The following SGMS2 variants were observed in gnomAD, a reference collection of about 807,000 sequenced individuals.
SGMS2 encodes phosphatidylcholine:ceramide cholinephosphotransferase 2.
Under a neutral mutation model 43.8 loss-of-function variants are expected in SGMS2, and 21 were observed. The ratio of observed to expected loss-of-function variants is 0.48; its 90% confidence interval spans 0.34 to 0.69. The LOEUF is 0.69. Ranked by LOEUF, SGMS2 falls within the 30% of genes least tolerant of loss-of-function variation. The pLI is 0.01. For synonymous variants in SGMS2, 167 were observed against 160.6 expected (o/e 1.04, Z -0.30); for missense variants, 384 against 443.2 (o/e 0.87, Z 1.20).
Position 107,895,799 on chromosome 4 carries a change from C to T in SGMS2, c.246C>T (p.Ala82=). ...TAGAGTGGTGGAAAACGGGCATTGCCTTCATATATGCAGTTTTCAACCTCG... is the reference window on the plus strand; with the variant it reads ...TAGAGTGGTGGAAAACGGGCATTGCTTTCATATATGCAGTTTTCAACCTCG... ...FPLEWWKTGI[A]FIYAVFNLVL... The change falls in exon 3 of 7, where the codon GCC becomes GCT. Residue 82 remains alanine (A), a synonymous_variant. Transcript: ENST00000690982. The T allele has an allele frequency of 1.9e-6, 3 of 1,613,964 alleles. No individual in the cohort carries two copies. The highest frequency in any genetic ancestry group is 2.5e-6 in the Non-Finnish European group (3 of 1,179,938).
chr4:107,895,288 C>T (rs1730575729), intron 2 of SGMS2, 22 bp from the exon 3 acceptor site: 1 of 409,852 alleles, frequency 2.4e-6, no homozygotes, highest in Non-Finnish European at 4.3e-6. Flanking sequence ...AGTTTCTGAA[C>T]ATAATTTTGT....
intron 2 of SGMS2, among the ~76,000 whole-genome samples, chr4:107,876,492 TA>T (rs1165252217): frequency 6.6e-6 from 1 of 152,212 alleles, no homozygotes; most frequent in Non-Finnish European, 1.5e-5. Context: ...TCCATTGCAC[TA>T]GTAAACAGCA....
chr4:107,888,076 G>A (rs543974107), intron 2 of SGMS2, among the ~76,000 whole-genome samples: 17 of 152,092 alleles, frequency 1.1e-4, no homozygotes, highest in South Asian at 2.1e-4. Context: ...AGTCTCATAC[G>A]CCCACCTCTT....
intron 1 of SGMS2, among the ~76,000 whole-genome samples, chr4:107,857,277 G>T (rs1214920192): frequency 6.6e-6 from 1 of 151,976 alleles, no homozygotes; most frequent in African/African-American, 2.4e-5. Flanking sequence ...GGACATTTGG[G>T]TTTTTTCCAC....
chr4:107,844,910 A>G (rs1726728140), intron 1 of SGMS2, among the ~76,000 whole-genome samples: 1 of 152,144 alleles, frequency 6.6e-6, no homozygotes, highest in Admixed American at 6.5e-5. Flanking sequence ...TTAGTTCCTA[A>G]TGGAGACTGG....
rs757267233 is a variant in SGMS2 at position 107,910,851 on chromosome 4, T to C, written c.*298T>C. On this transcript the variant is annotated 3_prime_UTR_variant, in exon 7 of 7. Coordinates refer to ENST00000690982, the MANE Select transcript of SGMS2 (RefSeq NM_001375905.1). ...AACATATTCCTCCTTTCTTTATTCT[T>C]TCTCCACCAAAACCCTCTACTTCAG... 1.9e-5 allele frequency: 5 copies of C among 262,318 alleles called. No homozygotes were observed. The highest frequency in any genetic ancestry group is 3.6e-5 in the Non-Finnish European group (5 of 138,048). The allele number at this position is 262,318 out of a possible 1,614,324, so 16.2% of individuals were successfully genotyped here. A position where few individuals can be genotyped will look rare whatever the true frequency, so the allele number is the denominator to read the frequency against.
At chr4:107,902,383 T>A (rs1731198650) in intron 4 of SGMS2, among the ~76,000 whole-genome samples, 1 of 152,124 alleles carries the variant, frequency 6.6e-6, no homozygotes, top group Admixed American at 6.5e-5. Context: ...CTCAATTTGC[T>A]TTATACTTAT....
At chr4:107,891,143 CCACCTT>C (rs1730185622) in intron 2 of SGMS2, among the ~76,000 whole-genome samples, 1 of 151,090 alleles carries the variant, frequency 6.6e-6, no homozygotes, top group Non-Finnish European at 1.5e-5. Context: ...CCCCATTATA[CCACCTT>C]ACCATACTAC....
At chr4:107,865,752 G>C (rs986161032) in intron 2 of SGMS2, among the ~76,000 whole-genome samples, 2 of 152,116 alleles carry the variant, frequency 1.3e-5, no homozygotes, top group African/African-American at 4.8e-5. Flanking sequence ...TGAATCAGGA[G>C]CTCTTCATTA....
chr4:107,829,674 G>C (rs150947755), intron 1 of SGMS2, among the ~76,000 whole-genome samples: 246 of 152,206 alleles, frequency 1.6e-3, no homozygotes, highest in African/African-American at 5.7e-3. Flanking sequence ...GCAACTAACT[G>C]AATTATTTCT....
At chr4:107,851,647 C>A (rs1285552142) in intron 1 of SGMS2, among the ~76,000 whole-genome samples, 1 of 152,184 alleles carries the variant, frequency 6.6e-6, no homozygotes, top group Non-Finnish European at 1.5e-5. Context: ...TGCATCCCAG[C>A]AAATATCCTC....
chr4:107,893,567 CTGTCAAAGCCTGGGA>C (rs1432164072), intron 2 of SGMS2: 7 of 152,284 alleles, frequency 4.6e-5, no homozygotes, highest in African/African-American at 1.4e-4. Flanking sequence ...AAGCCTGGGC[CTGTCAAAGCCTGGGA>C]TGTCAAAGGC....
chr4:107,834,281 G>C (rs1214838465), intron 1 of SGMS2, among the ~76,000 whole-genome samples: 4 of 152,180 alleles, frequency 2.6e-5, no homozygotes, highest in African/African-American at 9.7e-5. Flanking sequence ...TAACCACTTT[G>C]TGGGAGGGAG....
rs141024771 is a variant in SGMS2, at chr4:107,897,422, G to C, written c.455+1414G>C. 2.2e-3 allele frequency among the ~76,000 whole-genome samples: 328 copies of C among 152,262 alleles called. 1 individual carries two copies. The highest frequency in any genetic ancestry group is 3.2e-3 in the Admixed American group (49 of 15,294). ...TTCAGTGTTTTTCTCTTTAGTGTCT[G>C]GAAATTAACACAATGTAAGAGCCTG... On this transcript the variant is annotated intron_variant, in intron 3 of 6. Transcript: ENST00000690982.
intron 5 of SGMS2, among the ~76,000 whole-genome samples, chr4:107,905,454 C>T (rs765910280): frequency 1.4e-4 from 22 of 152,232 alleles, no homozygotes; most frequent in Middle Eastern, 3.4e-3. Context: ...ACCTCATAAA[C>T]AATAATAGCA....
intron 2 of SGMS2, among the ~76,000 whole-genome samples, chr4:107,871,632 A>G (rs1156598539): frequency 6.6e-6 from 1 of 152,114 alleles, no homozygotes; most frequent in Non-Finnish European, 1.5e-5. Flanking sequence ...CTAGGCTATC[A>G]GCAATAGTAT....
Position 107,912,889 on chromosome 4 carries a change from G to A in SGMS2, c.*2336G>A, listed in dbSNP as rs1178844443. 1 of 152,088 alleles carries A rather than the reference G, an allele frequency of 6.6e-6. No homozygotes were observed. Among genetic ancestry groups the A allele is most frequent in the Non-Finnish European group, 1.5e-5 (1 of 68,020 alleles). The allele number at this position is 152,088 out of a possible 1,614,324, so 9.4% of individuals were successfully genotyped here. On this transcript the variant is annotated 3_prime_UTR_variant, in exon 7 of 7. Coordinates refer to ENST00000690982, the MANE Select transcript of SGMS2 (RefSeq NM_001375905.1). The stretch of plus-strand genomic sequence containing the variant: ...ATGTGTCGTATAGCTCTGTCATCGA[G>A]TTGAGGAAGTCCATGGTTTGCAAAT...
chr4:107,848,701 T>C (rs1044911497), intron 1 of SGMS2, among the ~76,000 whole-genome samples: 3 of 152,248 alleles, frequency 2.0e-5, no homozygotes, highest in African/African-American at 7.2e-5. Context: ...GTCATCTATA[T>C]GTCTTGTTTG....
At chr4:107,875,347 C>T (rs1331442380) in intron 2 of SGMS2, among the ~76,000 whole-genome samples, 2 of 152,110 alleles carry the variant, frequency 1.3e-5, no homozygotes, top group African/African-American at 4.8e-5. Context: ...GAGATCATGT[C>T]CTGTGCAGGG....
Sources: allele counts gnomAD v4.1 joint callset (sites outside exome capture counted in the v4.1 genomes callset), GRCh38; gene constraint gnomAD v4.1.1; transcripts MANE v1.5; gene names NCBI Gene and HGNC (gene_info 2026-07-23, HGNC 2026-07-21).